The following POT1 variants were observed in gnomAD, a reference collection of about 807,000 sequenced individuals.
POT1 encodes protection of telomeres protein 1.
POT1 carries 47 observed loss-of-function variants against 78.5 expected under a neutral mutation model. That is an observed-to-expected ratio of 0.60 (90% confidence interval 0.47 to 0.76). The LOEUF (loss-of-function observed/expected upper bound fraction) is 0.76, where lower values mean the gene tolerates loss of function less well. Among genes scored for constraint, POT1 ranks in the 30% least tolerant of loss-of-function variants. The probability of loss-of-function intolerance (pLI) is 0.00; values close to 1 mark genes in which losing one functional copy is unlikely to be tolerated. For missense variants in POT1, 646 were observed against 749.9 expected (o/e 0.86, Z 1.62); for synonymous variants, 259 against 260.7 (o/e 0.99, Z 0.06).
At chr7:124,853,759 G>T (rs926339011) in intron 9 of POT1, among the ~76,000 whole-genome samples, 3 of 152,016 alleles carry the variant, frequency 2.0e-5, no homozygotes, top group Non-Finnish European at 2.9e-5. Flanking sequence ...TGAATTAAAT[G>T]TTCTATAGTT....
In POT1 at chr7:124,822,454, A is replaced by T. The variant is rs943245204; in HGVS notation, c.*1508T>A. The T allele has an allele frequency of 2.4e-5, 10 of 412,988 alleles. No individual in the cohort carries two copies. The highest frequency in any genetic ancestry group is 5.0e-5 in the Non-Finnish European group (10 of 198,944). The allele number at this position is 412,988 out of a possible 1,614,324, so 25.6% of individuals were successfully genotyped here. A position where few individuals can be genotyped will look rare whatever the true frequency, so the allele number is the denominator to read the frequency against. Reference sequence around the variant, plus strand: ...ACATGGCCTATCATCATGAAGATTCATAGGAAGAGTTTTCCTTTGTTAACG... The same window carrying T: ...ACATGGCCTATCATCATGAAGATTCTTAGGAAGAGTTTTCCTTTGTTAACG... On this transcript the variant is annotated 3_prime_UTR_variant, in exon 19 of 19. Transcript: ENST00000357628.
In POT1 at chr7:124,898,317, C is replaced by T. The variant is rs1432728062; in HGVS notation, c.-96G>A. ...TTCAAAAATATGCAAGGTTTACCAT[C>T]TCTGCTTGTAGATGAAGAAGCTAAA... is the stretch of plus-strand genomic sequence containing the variant. On this transcript the variant is annotated 5_prime_UTR_variant, in exon 4 of 19. Transcript: ENST00000357628. The T allele has an allele frequency of 1.3e-5, 2 of 151,498 alleles. No individual in the cohort carries two copies. The highest frequency in any genetic ancestry group is 2.9e-5 in the Non-Finnish European group (2 of 67,842). The allele number at this position is 151,498 out of a possible 1,614,324, so 9.4% of individuals were successfully genotyped here.
At chr7:124,860,719 T>A (rs1159423075) in intron 8 of POT1, among the ~76,000 whole-genome samples, 1 of 152,114 alleles carries the variant, frequency 6.6e-6, no homozygotes, top group African/African-American at 2.4e-5. Flanking sequence ...CAACCCGTCA[T>A]CTACGTTAGG....
At position 124,873,869 on chromosome 7, in the gene POT1, T is replaced by C. The variant is rs573620353; in HGVS notation, c.125-2828A>G. Among the ~76,000 whole-genome samples the C allele has an allele frequency of 6.6e-5, 10 of 151,294 alleles. No individual in the cohort carries two copies. The South Asian group carries it at 1.9e-3, about 28-fold the overall frequency. The stretch of plus-strand genomic sequence containing the variant: ...TTCAGGAAAATGGAAGGTAAGTGGT[T>C]AAGGGATAAAATAAACAGAGGAGGC... On this transcript the variant is annotated intron_variant, in intron 6 of 18. Transcript: ENST00000357628.
intron 2 of POT1, among the ~76,000 whole-genome samples, chr7:124,920,499 C>A (rs1031805051): frequency 6.6e-6 from 1 of 152,032 alleles, no homozygotes; most frequent in African/African-American, 2.4e-5. Flanking sequence ...CACATTTGCA[C>A]GTATTCGTCA....
intron 6 of POT1, among the ~76,000 whole-genome samples, chr7:124,871,961 C>A (rs764708074): frequency 6.6e-6 from 1 of 152,078 alleles, no homozygotes; most frequent in African/African-American, 2.4e-5. Flanking sequence ...TACAATAGAA[C>A]CCCTGAACTT....
chr7:124,827,795 G>A (rs1490451517), intron 16 of POT1, among the ~76,000 whole-genome samples: 1 of 152,062 alleles, frequency 6.6e-6, no homozygotes, highest in Non-Finnish European at 1.5e-5. Flanking sequence ...AGGCTGAGGT[G>A]GGCAGATCAC....
chr7:124,890,596 T>C (rs6415362), intron 6 of POT1, among the ~76,000 whole-genome samples: 93,899 of 151,610 alleles, frequency 0.62, 29,409 homozygotes, highest in African/African-American at 0.71. Flanking sequence ...CTGTCACAGC[T>C]ACACCAGTCT....
rs552376865 is a variant in POT1, at chr7:124,823,536, C to T, written c.*426G>A. The T allele has an allele frequency of 6.5e-6, 1 of 154,370 alleles. No homozygotes were observed. Among genetic ancestry groups the T allele is most frequent in the Admixed American group, 6.5e-5 (1 of 15,324 alleles). 9.6% of individuals were successfully genotyped at this position (154,370 alleles called of 1,614,324 possible). A position where few individuals can be genotyped will look rare whatever the true frequency, so the allele number is the denominator to read the frequency against. On this transcript the variant is annotated 3_prime_UTR_variant, in exon 19 of 19. Transcript: ENST00000357628. Reference sequence around the variant, plus strand: ...GTCATTAACATTATAAATCTGACCACTTTTATTAGGTTGAGGTGAAATAGA... The same window carrying T: ...GTCATTAACATTATAAATCTGACCATTTTTATTAGGTTGAGGTGAAATAGA...
At chr7:124,845,542 A>G (rs886433375) in intron 12 of POT1, among the ~76,000 whole-genome samples, 1 of 152,196 alleles carries the variant, frequency 6.6e-6, no homozygotes, top group Non-Finnish European at 1.5e-5. Flanking sequence ...TTCAGCTGGT[A>G]AAGGTAGTGT....
chr7:124,903,841 CACT>C (rs1796687057), intron 3 of POT1, among the ~76,000 whole-genome samples: 1 of 152,092 alleles, frequency 6.6e-6, no homozygotes, highest in African/African-American at 2.4e-5. Context: ...GGGATATCAC[CACT>C]GATTCCACAG....
At chr7:124,900,739 CT>C in intron 3 of POT1, 1 of 254,162 alleles carries the variant, frequency 3.9e-6, no homozygotes, top group Non-Finnish European at 8.7e-6. Context: ...GGGGAATTCC[CT>C]TTCCTAGCCA....
intron 3 of POT1, among the ~76,000 whole-genome samples, chr7:124,913,764 T>A (rs1412383661): frequency 6.6e-6 from 1 of 152,198 alleles, no homozygotes; most frequent in Non-Finnish European, 1.5e-5. Context: ...TTTTATTCCT[T>A]CCCTTCTAAT....
chr7:124,918,103 C>A (rs1584528588), intron 2 of POT1, among the ~76,000 whole-genome samples: 1 of 152,226 alleles, frequency 6.6e-6, no homozygotes, highest in Non-Finnish European at 1.5e-5. Flanking sequence ...GCCAGCAGGG[C>A]ATGGCCCAGC....
chr7:124,843,043 A>C (rs572244893), intron 12 of POT1, 80 bp from the exon 13 acceptor site: 294 of 953,232 alleles, frequency 3.1e-4, no homozygotes, highest in Non-Finnish European at 4.2e-4. Flanking sequence ...AATATATACT[A>C]TAAAATCTAA....
intron 11 of POT1, among the ~76,000 whole-genome samples, chr7:124,849,822 T>C (rs1348867884): frequency 6.6e-6 from 1 of 152,120 alleles, no homozygotes; most frequent in African/African-American, 2.4e-5. Flanking sequence ...CTATAATATA[T>C]TGTTGAAGAA....
chr7:124,872,818 C>T (rs937411590), intron 6 of POT1, among the ~76,000 whole-genome samples: 1 of 152,198 alleles, frequency 6.6e-6, no homozygotes, highest in Non-Finnish European at 1.5e-5. Context: ...ACCTGTGCCA[C>T]GTACAACGTG....
At chr7:124,873,159 T>C (rs1219199945) in intron 6 of POT1, among the ~76,000 whole-genome samples, 1 of 152,202 alleles carries the variant, frequency 6.6e-6, no homozygotes, top group Non-Finnish European at 1.5e-5. Context: ...TTAAGTTTGA[T>C]ACAATCCCAT....
At chr7:124,836,650 G>A (rs923012656) in intron 14 of POT1, among the ~76,000 whole-genome samples, 12 of 152,162 alleles carry the variant, frequency 7.9e-5, no homozygotes, top group African/African-American at 2.4e-4. Flanking sequence ...CCAGTCACAC[G>A]AGTTTGGCTC....
Sources: gnomAD v4.1 joint callset for allele counts (sites outside exome capture counted in the v4.1 genomes callset) on GRCh38, gnomAD v4.1.1 for gene constraint, MANE v1.5 for transcripts, NCBI Gene and HGNC (gene_info 2026-07-23, HGNC 2026-07-21) for gene names.